CDH4: variants seen among roughly 807,000 people sequenced by gnomAD.
CDH4 encodes the protein cadherin-4.
CDH4 carries 33 observed loss-of-function variants against 86.0 expected under a neutral mutation model. The ratio of observed to expected loss-of-function variants is 0.38; its 90% CI spans 0.29 to 0.51. The LOEUF (loss-of-function observed/expected upper bound fraction) is 0.51, where lower values mean the gene tolerates loss of function less well. CDH4 is among the 20% of genes least tolerant of loss of function. The pLI, the probability that CDH4 is intolerant of heterozygous loss-of-function variation, is 0.86. For synonymous variants in CDH4, 555 were observed against 549.4 expected (o/e 1.01, Z -0.14); for missense variants, 1,114 against 1,307.4 (o/e 0.85, Z 2.28).
At chr20:61,712,868 A>G (rs181297676) in intron 2 of CDH4, among the ~76,000 whole-genome samples, 16 of 152,044 alleles carry the variant, frequency 1.1e-4, no homozygotes, top group Non-Finnish European at 1.9e-4. Context: ...GAAAGCTCTG[A>G]CTCGCCGAGG....
At chr20:61,571,060 G>T (rs1466011587) in intron 2 of CDH4, among the ~76,000 whole-genome samples, 1 of 152,196 alleles carries the variant, frequency 6.6e-6, no homozygotes, top group Admixed American at 6.5e-5. Flanking sequence ...AGGGGGCAAG[G>T]CCTGTGCAAG....
At chr20:61,595,472 C>T (rs919439046) in intron 2 of CDH4, among the ~76,000 whole-genome samples, 1 of 152,236 alleles carries the variant, frequency 6.6e-6, no homozygotes, top group Non-Finnish European at 1.5e-5. Flanking sequence ...AGTCCATGGA[C>T]GGAAGGACGG....
rs564696345 is a variant in CDH4, at chr20:61,330,622, C to A, written c.169+75685C>A. Among the ~76,000 whole-genome samples the A allele has an allele frequency of 2.6e-5, 4 of 152,340 alleles. No individual in the cohort carries two copies. The East Asian group carries it at 7.7e-4, about 29-fold the overall frequency. On this transcript the variant is annotated intron_variant, in intron 2 of 15. Transcript: ENST00000614565. The stretch of plus-strand genomic sequence containing the variant: ...AACGCCTGCCTTCTGGGCAGTGCAC[C>A]TGGTGCCTGCGGCTGGCTGGGCACC...
chr20:61,694,017 C>T (rs1321624812), intron 2 of CDH4, among the ~76,000 whole-genome samples: 2 of 151,356 alleles, frequency 1.3e-5, no homozygotes, highest in Admixed American at 1.3e-4. Flanking sequence ...CTCAGCCTCC[C>T]GAGTAGGTGG....
intron 6 of CDH4, among the ~76,000 whole-genome samples, chr20:61,871,529 T>C (rs1983802637): frequency 6.6e-6 from 1 of 152,248 alleles, no homozygotes; most frequent in Admixed American, 6.5e-5. Flanking sequence ...GGACTGTTTC[T>C]TCCCAGTTCA....
intron 2 of CDH4, among the ~76,000 whole-genome samples, chr20:61,591,235 A>G (rs977179590): frequency 1.3e-5 from 2 of 152,258 alleles, no homozygotes; most frequent in African/African-American, 2.4e-5. Flanking sequence ...GATAATTACC[A>G]TATGAGACAT....
intron 2 of CDH4, among the ~76,000 whole-genome samples, chr20:61,504,210 C>T (rs906519161): frequency 1.6e-4 from 25 of 152,328 alleles, no homozygotes; most frequent in Admixed American, 1.0e-3. Flanking sequence ...GCTCCGTGGC[C>T]GGCCACACAC....
intron 2 of CDH4, among the ~76,000 whole-genome samples, chr20:61,561,977 G>A (rs554596543): frequency 3.7e-4 from 57 of 152,194 alleles, no homozygotes; most frequent in Non-Finnish European, 5.9e-4. Flanking sequence ...GAGAGAGAGA[G>A]GGACCTTCGT....
chr20:61,357,090 CA>C (rs1360351256), intron 2 of CDH4, among the ~76,000 whole-genome samples: 1 of 152,180 alleles, frequency 6.6e-6, no homozygotes, highest in Non-Finnish European at 1.5e-5. Flanking sequence ...CATGTGCCCC[CA>C]ACCTCCGCCC....
intron 3 of CDH4, among the ~76,000 whole-genome samples, chr20:61,763,139 G>T (rs1050107625): frequency 2.0e-5 from 3 of 152,232 alleles, no homozygotes; most frequent in African/African-American, 7.2e-5. Flanking sequence ...GCCAAAGGTC[G>T]GGGCTGCCGG....
At chr20:61,351,785 C>T (rs962347608) in intron 2 of CDH4, among the ~76,000 whole-genome samples, 4 of 151,794 alleles carry the variant, frequency 2.6e-5, no homozygotes, top group South Asian at 2.1e-4. Flanking sequence ...GGCGCAATCT[C>T]GGCTCACTGC....
In CDH4 at chr20:61,902,678, T is replaced by C. The variant is rs1246710618; in HGVS notation, c.1188+7631T>C. Reference sequence around the variant, plus strand: ...GGTGTGGCCATGTCCCAATAAACTTTATTTACAAAAACAAAAAGATTCAGG... The same window carrying C: ...GGTGTGGCCATGTCCCAATAAACTTCATTTACAAAAACAAAAAGATTCAGG... On this transcript the variant is annotated intron_variant, in intron 8 of 15. Transcript: ENST00000614565. This position sits in a 1 kb window ranked among gnomAD's most constrained non-coding sequence, Gnocchi z 4.6. Among the ~76,000 whole-genome samples, 1 of 152,210 alleles carries C rather than the reference T, an allele frequency of 6.6e-6. No homozygotes were observed. Among genetic ancestry groups the C allele is most frequent in the Non-Finnish European group, 1.5e-5 (1 of 68,030 alleles).
At chr20:61,321,369 C>T (rs947141170) in intron 2 of CDH4, among the ~76,000 whole-genome samples, 14 of 152,032 alleles carry the variant, frequency 9.2e-5, no homozygotes, top group African/African-American at 2.9e-4. Context: ...TAACAAAAAA[C>T]GGCTTGATTA....
chr20:61,886,762 AT>A (rs755465557), intron 7 of CDH4, among the ~76,000 whole-genome samples: 2 of 152,194 alleles, frequency 1.3e-5, no homozygotes, highest in Non-Finnish European at 2.9e-5. Context: ...CCAGGCCTTC[AT>A]CTTCTGCAAA....
intron 2 of CDH4, among the ~76,000 whole-genome samples, chr20:61,313,360 C>T (rs185431727): frequency 1.3e-5 from 2 of 152,122 alleles, no homozygotes; most frequent in Admixed American, 6.5e-5. Context: ...GAAGTAGGTG[C>T]GAGCACTCCC....
intron 2 of CDH4, among the ~76,000 whole-genome samples, chr20:61,279,239 T>G (rs1319850657): frequency 1.3e-5 from 2 of 152,210 alleles, no homozygotes; most frequent in Non-Finnish European, 2.9e-5. Context: ...GAGGCACTCA[T>G]GCTGTCTACC....
In CDH4 at chr20:61,754,617, C is replaced by T. The variant is rs753485419; in HGVS notation, c.396+10828C>T. On this transcript the variant is annotated intron_variant, in intron 3 of 15. Coordinates refer to ENST00000614565, the MANE Select transcript of CDH4 (RefSeq NM_001794.5). The surrounding 1 kb of genome is among the most constrained non-coding windows in gnomAD (Gnocchi z 4.7). The stretch of plus-strand genomic sequence containing the variant: ...CCCGGAACACCACACACACGGTGCA[C>T]GGCACACACACCACACACACACGCC... Among the ~76,000 whole-genome samples, 7 of 142,410 alleles carry T rather than the reference C, an allele frequency of 4.9e-5. No homozygotes were observed. The highest frequency in any genetic ancestry group is 1.8e-4 in the African/African-American group (6 of 32,436). 93.4% of individuals were successfully genotyped at this position (142,410 alleles called of 152,430 possible).
chr20:61,834,899 G>A (rs1342473056), intron 4 of CDH4, among the ~76,000 whole-genome samples: 2 of 152,190 alleles, frequency 1.3e-5, no homozygotes, highest in Non-Finnish European at 2.9e-5. Flanking sequence ...GAGCTCCTTG[G>A]ACGCCTCACA....
chr20:61,265,842 C>T lies in CDH4; in HGVS notation c.169+10905C>T, dbSNP rs180674800. On this transcript the variant is annotated intron_variant, in intron 2 of 15. Coordinates refer to ENST00000614565, the MANE Select transcript of CDH4 (RefSeq NM_001794.5). ...AGCCACAGCCCACTGGTTCTCAGCC[C>T]GTCCTGCCTGGCTCCAGGAGCTCCT... is the stretch of plus-strand genomic sequence containing the variant. 5.8e-4 allele frequency among the ~76,000 whole-genome samples: 88 copies of T among 152,320 alleles called. 1 individual carries two copies. In the Middle Eastern group the frequency reaches 0.01, roughly 18 times the overall value.
Sources: gnomAD v4.1 joint callset for allele counts (sites outside exome capture counted in the v4.1 genomes callset) on GRCh38, gnomAD v4.1.1 for gene constraint, Gnocchi (gnomAD v3.1) non-coding constraint, MANE v1.5 for transcripts, NCBI Gene and HGNC (gene_info 2026-07-23, HGNC 2026-07-21) for gene names.